Variants in SLC39A12 observed in about 807,000 individuals in gnomAD.
SLC39A12 encodes zinc transporter ZIP12.
SLC39A12 carries 63 observed loss-of-function variants against 71.1 expected under a neutral mutation model. The ratio of observed to expected loss-of-function variants is 0.89; its 90% CI spans 0.72 to 1.09. SLC39A12 has a LOEUF of 1.09. Among genes scored for constraint, SLC39A12 ranks in the 50% least tolerant of loss-of-function variants. The pLI, the probability that SLC39A12 is intolerant of heterozygous loss-of-function variation, is 0.00. For missense variants in SLC39A12, 892 were observed against 812.6 expected (o/e 1.10, Z -1.19); for synonymous variants, 351 against 301.3 (o/e 1.16, Z -1.71).
intron 4 of SLC39A12, among the ~76,000 whole-genome samples, chr10:17,967,812 A>G (rs1451752544): frequency 3.3e-5 from 5 of 150,754 alleles, no homozygotes; most frequent in Non-Finnish European, 7.4e-5. Flanking sequence ...GTGTGAACCC[A>G]GGAGGCGGAG....
At chr10:18,005,771 A>G (rs1835997077) in intron 12 of SLC39A12, 1 of 152,176 alleles carries the variant, frequency 6.6e-6, no homozygotes, top group Admixed American at 6.5e-5. Context: ...ATATCCTGTG[A>G]GATTCCAGCT....
chr10:18,041,714 CAT>C (rs1347516500), intron 12 of SLC39A12, among the ~76,000 whole-genome samples: 8 of 84,348 alleles, frequency 9.5e-5, no homozygotes, highest in East Asian at 6.1e-4. Context: ...TATGTATATA[CAT>C]ATGTATATAT....
intron 10 of SLC39A12, among the ~76,000 whole-genome samples, chr10:17,999,669 G>A (rs1223531062): frequency 6.6e-6 from 1 of 152,174 alleles, no homozygotes; most frequent in African/African-American, 2.4e-5. Context: ...CGAATTCCAT[G>A]AAGACAGAAG....
At chr10:18,006,762 A>G (rs1325962772) in intron 12 of SLC39A12, among the ~76,000 whole-genome samples, 1 of 152,046 alleles carries the variant, frequency 6.6e-6, no homozygotes, top group Non-Finnish European at 1.5e-5. Flanking sequence ...TTATCTCCCC[A>G]TCTCCACTTC....
chr10:17,967,624 C>T (rs1375450797), intron 4 of SLC39A12, among the ~76,000 whole-genome samples: 1 of 151,980 alleles, frequency 6.6e-6, no homozygotes, highest in African/African-American at 2.4e-5. Flanking sequence ...TGGCTCACGC[C>T]TGTAATCCCA....
At position 17,987,513 on chromosome 10, in the gene SLC39A12, C is replaced by G; in HGVS notation, c.1131C>G (p.Leu377=). The G allele has an allele frequency of 6.2e-7, 1 of 1,613,982 alleles. No individual in the cohort carries two copies. Among genetic ancestry groups the G allele is most frequent in the African/African-American group, 1.3e-5 (1 of 75,020 alleles). The stretch of plus-strand genomic sequence containing the variant: ...ACAGCACGGTGGCTGTCACCCTTCT[C>G]ACACTGGGCTCCATGCTGGGGACAG... ...YGYSTVAVTL[L]TLGSMLGTAL... is the part of the protein sequence containing the mutation. Residue 377 remains leucine, a synonymous_variant, in exon 7 of 13, where the codon CTC becomes CTG. Transcript: ENST00000377369.
At chr10:17,952,242 A>AT (rs201087234) in intron 1 of SLC39A12, among the ~76,000 whole-genome samples, 16 of 151,334 alleles carry the variant, frequency 1.1e-4, no homozygotes, top group East Asian at 7.8e-4. Context: ...CAGAAAGATA[A>AT]TTTTTTTTTC....
chr10:18,000,885 A>T, intron 11 of SLC39A12, 60 bp downstream of exon 11: 1 of 1,489,280 alleles, frequency 6.7e-7, no homozygotes, highest in Non-Finnish European at 9.2e-7. Flanking sequence ...ACATCTTTCC[A>T]GCTATGGTTT....
intron 12 of SLC39A12, among the ~76,000 whole-genome samples, chr10:18,036,754 A>G (rs555033002): frequency 0.025 from 115 of 4,552 alleles, no homozygotes; most frequent in South Asian, 0.074. Context: ...AATTATATAT[A>G]TATATATATA....
intron 5 of SLC39A12, among the ~76,000 whole-genome samples, chr10:17,979,616 T>G (rs186231678): frequency 6.6e-6 from 1 of 152,336 alleles, no homozygotes; most frequent in African/African-American, 2.4e-5. Context: ...ATACATTATT[T>G]TGATAAAGGG....
chr10:18,013,350 TTATTATTA>T (rs1836286402), intron 12 of SLC39A12, among the ~76,000 whole-genome samples: 5 of 32,990 alleles, frequency 1.5e-4, no homozygotes, highest in Admixed American at 2.6e-4. Flanking sequence ...ACTTTATTTA[TTATTATTA>T]TTATTATTAT....
chr10:18,030,721 A>G (rs1420879697), intron 12 of SLC39A12, among the ~76,000 whole-genome samples: 1 of 150,184 alleles, frequency 6.7e-6, no homozygotes, highest in African/African-American at 2.5e-5. Context: ...TACATGTGCC[A>G]TGCTGGTGTG....
At chr10:18,024,988 T>C (rs935118538) in intron 12 of SLC39A12, among the ~76,000 whole-genome samples, 4 of 152,218 alleles carry the variant, frequency 2.6e-5, no homozygotes, top group Admixed American at 1.3e-4. Flanking sequence ...ATTTAAAGCA[T>C]GTTTCTTGTA....
intron 6 of SLC39A12, among the ~76,000 whole-genome samples, chr10:17,986,058 G>A (rs918177222): frequency 2.0e-5 from 3 of 152,080 alleles, no homozygotes; most frequent in Non-Finnish European, 2.9e-5. Context: ...CTTCCAAAAC[G>A]TGTACTCATT....
At chr10:18,006,071 T>C (rs1181580119) in intron 12 of SLC39A12, among the ~76,000 whole-genome samples, 3 of 152,096 alleles carry the variant, frequency 2.0e-5, no homozygotes, top group African/African-American at 7.2e-5. Context: ...AGAAAATAAA[T>C]GCAGCAACTA....
At chr10:17,966,583 C>G (rs1174011525) in intron 4 of SLC39A12, among the ~76,000 whole-genome samples, 1 of 151,924 alleles carries the variant, frequency 6.6e-6, no homozygotes, top group African/African-American at 2.4e-5. Flanking sequence ...AGTGCTGGGA[C>G]TATAGGAGTG....
chr10:17,987,446 C>A, intron 6 of SLC39A12, 33 bp from the exon 7 acceptor site: 1 of 1,608,708 alleles, frequency 6.2e-7, no homozygotes, highest in Non-Finnish European at 8.5e-7. Flanking sequence ...GGGCACTGGG[C>A]ACTGACTGTG....
chr10:18,026,647 AAT>A (rs1196173675), intron 12 of SLC39A12, among the ~76,000 whole-genome samples: 2 of 151,938 alleles, frequency 1.3e-5, no homozygotes, highest in African/African-American at 2.4e-5. Context: ...TCCTCTTTCT[AAT>A]ATGTTATGCC....
intron 11 of SLC39A12, 97 bp from the exon 12 acceptor site, chr10:18,003,074 C>T (rs2130846627): frequency 9.3e-7 from 1 of 1,080,618 alleles, no homozygotes; most frequent in Non-Finnish European, 1.3e-6. Flanking sequence ...AAAATTGGTT[C>T]CAGTGCTGAC....
Sources: gnomAD v4.1 joint callset for allele counts (sites outside exome capture counted in the v4.1 genomes callset) on GRCh38, gnomAD v4.1.1 for gene constraint, MANE v1.5 for transcripts, NCBI Gene and HGNC (gene_info 2026-07-23, HGNC 2026-07-21) for gene names.